The following AGO3 variants were observed in gnomAD, a reference collection of about 807,000 sequenced individuals.
The protein encoded by AGO3 is argonaute RISC catalytic component 3, also known as protein argonaute-3.
A neutral mutation model predicts 105.5 loss-of-function variants in AGO3; 16 were observed. The observed-to-expected ratio is 0.15, with a 90% CI of 0.10 to 0.23. The LOEUF (loss-of-function observed/expected upper bound fraction) is 0.23. Ranked by LOEUF, AGO3 falls within the 10% of genes least tolerant of loss-of-function variation. The probability of loss-of-function intolerance (pLI) is 1.00; values close to 1 mark genes in which losing one functional copy is unlikely to be tolerated. For synonymous variants in AGO3, 340 were observed against 367.3 expected (o/e 0.93, Z 0.85); for missense variants, 534 against 1,088.0 (o/e 0.49, Z 7.16).
At chr1:36,033,163 T>A (rs1378580693) in intron 12 of AGO3, among the ~76,000 whole-genome samples, 1 of 149,906 alleles carries the variant, frequency 6.7e-6, no homozygotes, top group Non-Finnish European at 1.5e-5. Flanking sequence ...ACAAAAAAAA[T>A]AAAAAGTAAA....
intron 17 of AGO3, among the ~76,000 whole-genome samples, chr1:36,047,456 AAAG>A (rs532610238): frequency 5.9e-4 from 90 of 152,292 alleles, no homozygotes; most frequent in Middle Eastern, 3.4e-3. Context: ...CAGAAAAAAA[AAAG>A]AAGTAAGAAT....
intron 11 of AGO3, among the ~76,000 whole-genome samples, chr1:36,014,781 A>C (rs1640810938): frequency 6.6e-6 from 1 of 151,872 alleles, no homozygotes; most frequent in African/African-American, 2.4e-5. Flanking sequence ...CAAAAAAAAA[A>C]AAAAAAAAAC....
chr1:35,973,080 G>A (rs1392543351), intron 4 of AGO3, among the ~76,000 whole-genome samples: 1 of 151,290 alleles, frequency 6.6e-6, no homozygotes, highest in African/African-American at 2.4e-5. Flanking sequence ...TTATTTACTT[G>A]TTAACATTTT....
rs182455164 is a variant in AGO3 at position 35,963,542 on chromosome 1, T to C, written c.192-3413T>C. On this transcript the variant is annotated intron_variant, in intron 2 of 18. Coordinates refer to ENST00000373191, the MANE Select transcript of AGO3 (RefSeq NM_024852.4). ...AAATGGAGATGGAAAGAAAATCAGTTAGAAGAGGGATATTATACAGATGAT... is the reference window on the plus strand; with the variant it reads ...AAATGGAGATGGAAAGAAAATCAGTCAGAAGAGGGATATTATACAGATGAT... Among the ~76,000 whole-genome samples the C allele has an allele frequency of 4.3e-3, 660 of 152,034 alleles. 2 individuals are homozygous for C. Among genetic ancestry groups the C allele is most frequent in the African/African-American group, 0.015 (624 of 41,468 alleles).
rs1206461620 is a variant in AGO3 at position 36,066,915 on chromosome 1, AC to A, written c.*11172del. On this transcript the variant is annotated 3_prime_UTR_variant, in exon 19 of 19. Coordinates refer to ENST00000373191, the MANE Select transcript of AGO3 (RefSeq NM_024852.4). Reference sequence around the variant, plus strand: ...TAAAAGAGCAGCTATTGCTATTTGAACCTACAGAAGAGACCTAAGACGAGCG... The same window carrying A: ...TAAAAGAGCAGCTATTGCTATTTGAACTACAGAAGAGACCTAAGACGAGCG... 1.3e-5 allele frequency: 2 copies of A among 152,226 alleles called. No individual in the cohort carries two copies. The highest frequency in any genetic ancestry group is 6.5e-5 in the Admixed American group (1 of 15,276). The allele number at this position is 152,226 out of a possible 1,614,324, so 9.4% of individuals were successfully genotyped here. A position where few individuals can be genotyped will look rare whatever the true frequency, so the allele number is the denominator to read the frequency against.
At chr1:36,046,623 TAAAAAAA>T (rs3073806) in intron 17 of AGO3, among the ~76,000 whole-genome samples, 696 of 34,400 alleles carry the variant, frequency 0.02, 4 homozygotes, top group African/African-American at 0.068. Flanking sequence ...AGTCTCTATT[TAAAAAAA>T]AAAAAAAAAA....
rs1317714219 is a variant in AGO3, at chr1:36,070,203, C to G, written c.*14458C>G. 6.6e-6 allele frequency: 1 copy of G among 152,178 alleles called. No individual in the cohort carries two copies. The highest frequency in any genetic ancestry group is 1.5e-5 in the Non-Finnish European group (1 of 68,040). 9.4% of individuals were successfully genotyped at this position (152,178 alleles called of 1,614,324 possible). On this transcript the variant is annotated 3_prime_UTR_variant, in exon 19 of 19. Coordinates refer to ENST00000373191, the MANE Select transcript of AGO3 (RefSeq NM_024852.4). ...CTGTTTCTTGGCCGATTTTTGGTAC[C>G]TTTCTTTGAAGAAGAGGGTTAGATT... is the stretch of plus-strand genomic sequence containing the variant.
chr1:36,020,159 G>C (rs919606513), intron 11 of AGO3, among the ~76,000 whole-genome samples: 1 of 152,150 alleles, frequency 6.6e-6, no homozygotes, highest in Non-Finnish European at 1.5e-5. Flanking sequence ...GGAGCAGGCA[G>C]CCGGCTGTCC....
chr1:36,005,864 G>A (rs1640310810), intron 6 of AGO3: 1 of 985,298 alleles, frequency 1.0e-6, no homozygotes. Flanking sequence ...TGAAGGTAAA[G>A]CCAAGTTTAT....
chr1:35,936,645 C>T (rs2148739945), intron 1 of AGO3, among the ~76,000 whole-genome samples: 1 of 152,220 alleles, frequency 6.6e-6, no homozygotes, highest in South Asian at 2.1e-4. Context: ...TTTACATCAG[C>T]CAGTTATTTT....
Position 36,055,172 on chromosome 1 carries a change from A to C in AGO3, c.2474+27A>C. On this transcript the variant is annotated intron_variant, in intron 18 of 18. Coordinates refer to ENST00000373191, the MANE Select transcript of AGO3 (RefSeq NM_024852.4). This position sits in a 1 kb window ranked among gnomAD's most constrained non-coding sequence, Gnocchi z 4.4. The stretch of plus-strand genomic sequence containing the variant: ...TAATATAAAAGCATAACAGGTTCTC[A>C]CCCAAATCCCAATATTGTCTGCATG... The C allele has an allele frequency of 6.4e-7, 1 of 1,557,694 alleles. No homozygotes were observed. The highest frequency in any genetic ancestry group is 8.7e-7 in the Non-Finnish European group (1 of 1,148,518).
rs1233811166 is a variant in AGO3, at chr1:36,036,230, C to T, written c.1805C>T (p.Pro602Leu). 6.2e-7 allele frequency: 1 copy of T among 1,613,964 alleles called. No homozygotes were observed. The highest frequency in any genetic ancestry group is 8.5e-7 in the Non-Finnish European group (1 of 1,180,008). The change falls in exon 14 of 19, where the codon CCA becomes CTA. Residue 602 changes from proline (P) to leucine (L), a missense_variant. Pro to Leu is a moderately conservative substitution (Grantham distance 98). Coordinates refer to ENST00000373191, the MANE Select transcript of AGO3 (RefSeq NM_024852.4). ...VIFLGADVTH[P>L]PAGDGKKPSI... ...TTTTTGGGAGCCGATGTCACTCATC[C>T]ACCTGCTGGTGATGGAAAGAAGCCT... is the stretch of plus-strand genomic sequence containing the variant.
chr1:36,051,992 G>A (rs572806536), intron 17 of AGO3, among the ~76,000 whole-genome samples: 1 of 152,210 alleles, frequency 6.6e-6, no homozygotes, highest in South Asian at 2.1e-4. Context: ...ACAGCCATTA[G>A]GGAAATCAGT....
chr1:35,966,918 C>T (rs759717052), intron 2 of AGO3, 37 bp from the exon 3 acceptor site: 3 of 1,565,904 alleles, frequency 1.9e-6, no homozygotes, highest in South Asian at 2.4e-5. Flanking sequence ...TTTCATCTTA[C>T]AGAGGATTAT....
chr1:36,068,180 T>A lies in AGO3; in HGVS notation c.*12435T>A, dbSNP rs902585091. On this transcript the variant is annotated 3_prime_UTR_variant, in exon 19 of 19. Transcript: ENST00000373191. ...AAGGATAAAACAAAAATAGATAGAATGATGATTATTACAATGTAACTTTAA... is the reference window on the plus strand; with the variant it reads ...AAGGATAAAACAAAAATAGATAGAAAGATGATTATTACAATGTAACTTTAA... 12 of 152,176 alleles carry A rather than the reference T, an allele frequency of 7.9e-5. No individual in the cohort carries two copies. The highest frequency in any genetic ancestry group is 2.9e-4 in the African/African-American group (12 of 41,442). The allele number at this position is 152,176 out of a possible 1,614,324, so 9.4% of individuals were successfully genotyped here.
In AGO3 at chr1:36,055,222, T is replaced by C. The variant is rs1303996924; in HGVS notation, c.2474+77T>C. ...GGTAGGATTTTCAAGTTCCACAAGC[T>C]ATTAGCGGAGTCAGTGATCCATGTG... On this transcript the variant is annotated intron_variant, in intron 18 of 18. Transcript: ENST00000373191. This position sits in a 1 kb window ranked among gnomAD's most constrained non-coding sequence, Gnocchi z 4.4. The C allele has an allele frequency of 6.9e-7, 1 of 1,453,356 alleles. No homozygotes were observed. Among genetic ancestry groups the C allele is most frequent in the Non-Finnish European group, 9.4e-7 (1 of 1,065,970 alleles). 90.0% of individuals were successfully genotyped at this position (1,453,356 alleles called of 1,614,324 possible). A position where few individuals can be genotyped will look rare whatever the true frequency, so the allele number is the denominator to read the frequency against.
intron 4 of AGO3, among the ~76,000 whole-genome samples, chr1:35,972,628 T>G (rs1646888461): frequency 6.6e-6 from 1 of 152,090 alleles, no homozygotes; most frequent in African/African-American, 2.4e-5. Context: ...CTCACATGTG[T>G]AGGGTATGCT....
intron 5 of AGO3, among the ~76,000 whole-genome samples, chr1:35,978,344 G>A (rs1262250642): frequency 6.6e-6 from 1 of 151,800 alleles, no homozygotes; most frequent in Non-Finnish European, 1.5e-5. Context: ...TGCATGCCAC[G>A]ACACCCAGCT....
intron 5 of AGO3, among the ~76,000 whole-genome samples, chr1:35,986,711 A>G (rs80261981): frequency 2.0e-5 from 3 of 150,870 alleles, no homozygotes; most frequent in Non-Finnish European, 4.4e-5. Flanking sequence ...GAAAAAAAAA[A>G]TGGGCTGGGC....
Sources: allele counts gnomAD v4.1 joint callset (sites outside exome capture counted in the v4.1 genomes callset), GRCh38; gene constraint gnomAD v4.1.1; non-coding constraint Gnocchi (gnomAD v3.1); transcripts MANE v1.5; gene names NCBI Gene and HGNC (gene_info 2026-07-23, HGNC 2026-07-21).